Variants in NDST4 observed in about 807,000 individuals in gnomAD.
NDST4 encodes the protein N-heparan sulfate sulfotransferase 4.
Under a neutral mutation model 100.8 loss-of-function variants are expected in NDST4, and 63 were observed. That is an observed-to-expected ratio of 0.62 (90% CI 0.51 to 0.77). The LOEUF is 0.77. NDST4 is among the 30% of genes least tolerant of loss of function. NDST4 has a pLI of 0.00. For missense variants in NDST4, 943 were observed against 1,018.4 expected (o/e 0.93, Z 1.01); for synonymous variants, 377 against 361.8 (o/e 1.04, Z -0.48).
intron 4 of NDST4, among the ~76,000 whole-genome samples, chr4:114,950,534 A>T (rs774190545): frequency 2.0e-5 from 3 of 151,956 alleles, no homozygotes; most frequent in Non-Finnish European, 4.4e-5. Flanking sequence ...GGTAGTTACA[A>T]CTCTGTAAAA....
At chr4:114,861,176 CT>C (rs1299957032) in intron 7 of NDST4, among the ~76,000 whole-genome samples, 1 of 152,176 alleles carries the variant, frequency 6.6e-6, no homozygotes, top group East Asian at 1.9e-4. Flanking sequence ...CTAGCTTAAG[CT>C]AATATCTACC....
At chr4:114,908,485 G>T in intron 6 of NDST4, among the ~76,000 whole-genome samples, 1 of 151,998 alleles carries the variant, frequency 6.6e-6, no homozygotes, top group East Asian at 1.9e-4. Context: ...AAACAATGTT[G>T]ACTTACTTTT....
At chr4:114,956,086 T>C (rs1339741573) in intron 4 of NDST4, 3 of 152,202 alleles carry the variant, frequency 2.0e-5, no homozygotes, top group Non-Finnish European at 2.9e-5. Context: ...AGGCCAAGAA[T>C]ACTGTAATTT....
At chr4:114,983,861 G>A (rs1342104620) in intron 2 of NDST4, among the ~76,000 whole-genome samples, 1 of 152,122 alleles carries the variant, frequency 6.6e-6, no homozygotes, top group African/African-American at 2.4e-5. Context: ...GATCATGAGG[G>A]TGGTTTCTAA....
intron 4 of NDST4, among the ~76,000 whole-genome samples, chr4:114,970,029 C>T (rs898809531): frequency 2.6e-5 from 4 of 152,018 alleles, no homozygotes; most frequent in South Asian, 4.1e-4. Flanking sequence ...GATGGTATCT[C>T]ATTGTGGTTT....
At chr4:114,913,272 A>G (rs1337015973) in intron 6 of NDST4, among the ~76,000 whole-genome samples, 3 of 152,076 alleles carry the variant, frequency 2.0e-5, no homozygotes, top group Admixed American at 6.6e-5. Flanking sequence ...GAGTGATTGC[A>G]AATTTTGATA....
At chr4:115,017,171 A>G (rs1472985423) in intron 2 of NDST4, among the ~76,000 whole-genome samples, 5 of 152,066 alleles carry the variant, frequency 3.3e-5, no homozygotes, top group East Asian at 1.9e-4. Context: ...TGCACATTTA[A>G]AAGTTGTCAA....
chr4:114,887,797 G>A (rs1316862083), intron 6 of NDST4, among the ~76,000 whole-genome samples: 1 of 152,078 alleles, frequency 6.6e-6, no homozygotes, highest in Non-Finnish European at 1.5e-5. Context: ...TGGTAAGCAG[G>A]AGAAGGGGAC....
At position 115,010,382 on chromosome 4, in the gene NDST4, T is replaced by A. The variant is rs1312244717; in HGVS notation, c.979-33108A>T. 4.7e-5 allele frequency among the ~76,000 whole-genome samples: 6 copies of A among 128,942 alleles called. 2 individuals are homozygous for A. Among genetic ancestry groups the A allele is most frequent in the Non-Finnish European group, 5.0e-5 (3 of 60,290 alleles). The allele number at this position is 128,942 out of a possible 152,430, so 84.6% of individuals were successfully genotyped here. On this transcript the variant is annotated intron_variant, in intron 2 of 13. Coordinates refer to ENST00000264363, the MANE Select transcript of NDST4 (RefSeq NM_022569.3). ...TAAAAAAGGATGAGTTCATGTCCTC[T>A]GTAAGGACATGGATGAAATTTGAAA...
chr4:114,836,253 T>A (rs1306207761), intron 11 of NDST4, among the ~76,000 whole-genome samples: 1 of 152,190 alleles, frequency 6.6e-6, no homozygotes, highest in Admixed American at 6.5e-5. Flanking sequence ...TGATGCAGGT[T>A]TTTTCCTTTC....
rs927596580 is a variant in NDST4 at position 115,061,618 on chromosome 4, T to C, written c.978+14441A>G. 2.2e-4 allele frequency among the ~76,000 whole-genome samples: 30 copies of C among 135,264 alleles called. 1 individual carries two copies. In the South Asian group the frequency reaches 5.9e-3, roughly 27 times the overall value. 88.7% of individuals were successfully genotyped at this position (135,264 alleles called of 152,430 possible). On this transcript the variant is annotated intron_variant, in intron 2 of 13. Transcript: ENST00000264363. ...GAGGGGAACATCACACATTGGGGTC[T>C]GTCGGGGGTGAGGGGCAAGGGGAGG... is the stretch of plus-strand genomic sequence containing the variant.
chr4:114,920,908 T>C (rs546769692), intron 6 of NDST4, among the ~76,000 whole-genome samples: 1 of 152,316 alleles, frequency 6.6e-6, no homozygotes, highest in African/African-American at 2.4e-5. Flanking sequence ...TTCTTATTTA[T>C]ATTAAATTCA....
chr4:114,895,955 T>G (rs1370323019), intron 6 of NDST4, among the ~76,000 whole-genome samples: 2 of 152,298 alleles, frequency 1.3e-5, no homozygotes, highest in Non-Finnish European at 2.9e-5. Context: ...TGCTTCCTAA[T>G]TTTCAAAATG....
At chr4:114,939,038 T>C (rs1278054324) in intron 4 of NDST4, among the ~76,000 whole-genome samples, 2 of 152,162 alleles carry the variant, frequency 1.3e-5, no homozygotes, top group African/African-American at 2.4e-5. Flanking sequence ...ATAAAAGTAC[T>C]TGGAAACTAC....
chr4:114,937,330 G>T lies in NDST4; in HGVS notation c.1395C>A (p.His465Gln). The part of the protein sequence containing the change: ...KPARYRKGFI[H>Q]NSIMVLPRQT... ...TCTCTGTGCTCACCATGATGCTATT[G>T]TGAATGAAGCCCTTTCTGTACCGGG... Residue 465 changes from histidine to glutamine, a missense_variant, in exon 5 of 14, where the codon CAC becomes CAA. Around this residue, in one of 2 missense-constraint regions of NDST4, gnomAD observed 526 missense variants for 634.1 expected, o/e 0.83. Transcript: ENST00000264363. 1 of 1,614,076 alleles carries T rather than the reference G, an allele frequency of 6.2e-7. No homozygotes were observed. Among genetic ancestry groups the T allele is most frequent in the Non-Finnish European group, 8.5e-7 (1 of 1,179,972 alleles).
Position 114,970,611 on chromosome 4 carries a change from T to G in NDST4, c.1067-27A>C, listed in dbSNP as rs774626434. 7 of 1,584,164 alleles carry G rather than the reference T, an allele frequency of 4.4e-6. No individual in the cohort carries two copies. The African/African-American group carries it at 6.8e-5, about 15-fold the overall frequency. On this transcript the variant is annotated intron_variant, in intron 3 of 13. Coordinates refer to ENST00000264363, the MANE Select transcript of NDST4 (RefSeq NM_022569.3). ...TTTAAAACATAAAGTTAAAAATAACTTTAGTGAAAATTTCTTACTATCTTA... is the reference window on the plus strand; with the variant it reads ...TTTAAAACATAAAGTTAAAAATAACGTTAGTGAAAATTTCTTACTATCTTA...
intron 2 of NDST4, among the ~76,000 whole-genome samples, chr4:115,012,447 A>C (rs79791624): frequency 0.012 from 1,811 of 152,116 alleles, 39 homozygotes; most frequent in African/African-American, 0.04. Flanking sequence ...CTATCATTCC[A>C]ACACCATGGC....
intron 4 of NDST4, among the ~76,000 whole-genome samples, chr4:114,953,119 G>A (rs1331549681): frequency 6.6e-6 from 1 of 151,002 alleles, no homozygotes; most frequent in African/African-American, 2.4e-5. Context: ...GGTACAACTG[G>A]AAACACATGG....
At chr4:114,953,214 C>T (rs1726061482) in intron 4 of NDST4, among the ~76,000 whole-genome samples, 2 of 151,884 alleles carry the variant, frequency 1.3e-5, no homozygotes, top group South Asian at 4.1e-4. Flanking sequence ...AAATTGAGAC[C>T]TTTCAATATC....
Sources: gnomAD v4.1 joint callset for allele counts (sites outside exome capture counted in the v4.1 genomes callset) on GRCh38, gnomAD v4.1.1 for gene constraint, gnomAD v4.1.1 regional missense constraint, MANE v1.5 for transcripts, NCBI Gene and HGNC (gene_info 2026-07-23, HGNC 2026-07-21) for gene names.